The following ADGRV1 variants were observed in gnomAD, a reference collection of about 807,000 sequenced individuals.
The protein encoded by ADGRV1 is G-protein coupled receptor 98.
ADGRV1 carries 359 observed loss-of-function variants against 596.2 expected under a neutral mutation model. The observed-to-expected ratio is 0.60, with a 90% CI of 0.55 to 0.66. ADGRV1 has a LOEUF of 0.66. ADGRV1 is among the 30% of genes least tolerant of loss of function. ADGRV1 has a pLI of 0.00. For synonymous variants in ADGRV1, 2,681 were observed against 2,679.2 expected (o/e 1.00, Z -0.02); for missense variants, 7,274 against 7,575.6 (o/e 0.96, Z 1.48).
Position 90,694,061 on chromosome 5 carries a change from C to T in ADGRV1, c.7305C>T (p.Pro2435=), listed in dbSNP as rs1236978558. The stretch of plus-strand genomic sequence containing the variant: ...TGAATGTCTCTGCCGTGGGGGAGCC[C>T]CTGTATACCTGTGCCACTTTGTGCC... ...TWMNVSAVGE[P]LYTCATLCLK... Residue 2435 remains proline, a synonymous_variant, in exon 33 of 90, where the codon CCC becomes CCT. Coordinates refer to ENST00000405460, the MANE Select transcript of ADGRV1 (RefSeq NM_032119.4). 1.9e-6 allele frequency: 3 copies of T among 1,613,808 alleles called. No homozygotes were observed. In the South Asian group the frequency reaches 3.3e-5, roughly 18 times the overall value.
intron 79 of ADGRV1, among the ~76,000 whole-genome samples, chr5:90,851,589 G>T (rs1019895280): frequency 6.6e-6 from 1 of 152,134 alleles, no homozygotes; most frequent in Admixed American, 6.5e-5. Context: ...ATGCCAGGTG[G>T]CACTGAGGGT....
In ADGRV1 at chr5:90,994,230, T is replaced by A. The variant is rs553388815; in HGVS notation, c.18152+8708T>A. On this transcript the variant is annotated intron_variant, in intron 85 of 89. Coordinates refer to ENST00000405460, the MANE Select transcript of ADGRV1 (RefSeq NM_032119.4). ...GGCACCCACCATGACACCCAGCTAA[T>A]TTTTATATTTTTAGTAGAGATGGGG... Among the ~76,000 whole-genome samples, 20 of 152,016 alleles carry A rather than the reference T, an allele frequency of 1.3e-4. No homozygotes were observed. In the South Asian group the frequency reaches 4.2e-3, roughly 32 times the overall value.
At chr5:90,748,104 C>T (rs776105099) in intron 52 of ADGRV1, among the ~76,000 whole-genome samples, 2 of 152,144 alleles carry the variant, frequency 1.3e-5, no homozygotes, top group Non-Finnish European at 2.9e-5. Flanking sequence ...ATTTGCTGCT[C>T]ATTGAGATAT....
chr5:91,087,463 A>ATT (rs556983309), intron 86 of ADGRV1, among the ~76,000 whole-genome samples: 22,932 of 143,396 alleles, frequency 0.16, 2,189 homozygotes, highest in African/African-American at 0.29. Flanking sequence ...TGCCCGGCTA[A>ATT]TTTTTTTTTT....
chr5:90,677,775 A>G (rs977005204), intron 25 of ADGRV1, among the ~76,000 whole-genome samples: 2 of 152,200 alleles, frequency 1.3e-5, no homozygotes, highest in Non-Finnish European at 2.9e-5. Flanking sequence ...GTAGGAAGCA[A>G]TAGTGGCCGA....
At position 90,685,993 on chromosome 5, in the gene ADGRV1, C is replaced by G. The variant is rs1561525157; in HGVS notation, c.6488C>G (p.Ala2163Gly). ...AAAGCTGTGCCAATAACTGCAATAG[C>G]TGGTAAGAAAAGACATCTAAAAAGC... ...KFKAVPITAI[A>G]GEDYSIASSD... Residue 2163 changes from alanine (A) to glycine (G), a missense_variant and splice_region_variant, in exon 29 of 90, where the codon GCT becomes GGT. Ala to Gly is a moderately conservative substitution (Grantham distance 60). This residue lies in a region of ADGRV1 where 3,643 missense variants were observed against 3,809.2 expected (regional missense o/e 0.96). Transcript: ENST00000405460. 1.9e-6 allele frequency: 3 copies of G among 1,566,798 alleles called. No individual in the cohort carries two copies. The highest frequency in any genetic ancestry group is 2.6e-6 in the Non-Finnish European group (3 of 1,151,984).
chr5:90,620,527 T>G (rs996981628), intron 4 of ADGRV1, among the ~76,000 whole-genome samples: 36 of 152,310 alleles, frequency 2.4e-4, no homozygotes, highest in Non-Finnish European at 4.4e-4. Context: ...ATTGCAAAAC[T>G]TTTCTCCCAT....
At chr5:91,098,312 C>T (rs1255252308) in intron 86 of ADGRV1, among the ~76,000 whole-genome samples, 2 of 151,312 alleles carry the variant, frequency 1.3e-5, no homozygotes, top group Admixed American at 6.6e-5. Flanking sequence ...CCTCCCAATA[C>T]CTCTTTCCTT....
In ADGRV1 at chr5:90,601,840, A is replaced by G. The variant is rs144016938; in HGVS notation, c.23-12995A>G. On this transcript the variant is annotated intron_variant, in intron 1 of 89. Transcript: ENST00000405460. ...GGCTAGAAAGTGGTTTGCAAGTGAT[A>G]CTGCTGGAGGCTATAATTGCTTGAG... 3.6e-4 allele frequency among the ~76,000 whole-genome samples: 55 copies of G among 152,318 alleles called. 1 individual carries two copies. In the East Asian group the frequency reaches 0.01, roughly 28 times the overall value.
At position 91,147,743 on chromosome 5, in the gene ADGRV1, G is replaced by A. The variant is rs1028565278; in HGVS notation, c.18433-2287G>A. Among the ~76,000 whole-genome samples, 3 of 152,200 alleles carry A rather than the reference G, an allele frequency of 2.0e-5. No individual in the cohort carries two copies. In the South Asian group the frequency reaches 6.2e-4, roughly 31 times the overall value. On this transcript the variant is annotated intron_variant, in intron 87 of 89. Transcript: ENST00000405460. ...ATACAGTAAATGGGTACCTCAGAGA[G>A]TGGGGTGCTGCTATAAAGCTATCCA... is the stretch of plus-strand genomic sequence containing the variant.
chr5:90,679,085 G>T (rs1744609555), intron 25 of ADGRV1, among the ~76,000 whole-genome samples: 1 of 152,126 alleles, frequency 6.6e-6, no homozygotes, highest in African/African-American at 2.4e-5. Flanking sequence ...AATAAATGTG[G>T]TGGGGATTTG....
At chr5:90,742,772 G>A (rs1754120291) in intron 50 of ADGRV1, among the ~76,000 whole-genome samples, 6 of 152,204 alleles carry the variant, frequency 3.9e-5, no homozygotes, top group Non-Finnish European at 1.5e-5. Context: ...GCTGGTTAGA[G>A]AAGTAGATTG....
intron 83 of ADGRV1, among the ~76,000 whole-genome samples, chr5:90,956,259 C>G (rs7725572): frequency 6.6e-6 from 1 of 151,806 alleles, no homozygotes; most frequent in South Asian, 2.1e-4. Flanking sequence ...TGTATTCAGA[C>G]TATGTATCAG....
Position 90,711,020 on chromosome 5 carries a change from A to G in ADGRV1, c.8864A>G (p.Asn2955Ser), listed in dbSNP as rs200391538. The change falls in exon 40 of 90, where the codon AAT (asparagine) becomes AGT (serine). Residue 2955 changes from asparagine to serine, a missense_variant. Physicochemically the swap from Asn to Ser is conservative, Grantham distance 46. Transcript: ENST00000405460. ...GLTAQVIIDA[N>S]DGARGVIEWQ... The stretch of plus-strand genomic sequence containing the variant: ...ACTGCACAAGTTATTATTGATGCCA[A>G]TGATGGGGCCCGAGGTGTAATTGAA... The G allele has an allele frequency of 4.0e-4, 640 of 1,611,538 alleles. 7 individuals are homozygous for G. Among genetic ancestry groups the G allele is most frequent in the African/African-American group, 1.1e-4 (8 of 75,014 alleles).
At chr5:90,893,640 C>T (rs930718663) in intron 83 of ADGRV1, among the ~76,000 whole-genome samples, 4 of 151,998 alleles carry the variant, frequency 2.6e-5, no homozygotes, top group African/African-American at 4.8e-5. Flanking sequence ...ACAGTTTTAT[C>T]GAATAATAAC....
chr5:90,565,193 C>T (rs1357018544), intron 1 of ADGRV1, among the ~76,000 whole-genome samples: 4 of 152,016 alleles, frequency 2.6e-5, no homozygotes, highest in African/African-American at 7.2e-5. Context: ...GCTGAAATCC[C>T]GCCACTGCAC....
intron 58 of ADGRV1, among the ~76,000 whole-genome samples, chr5:90,760,210 A>G (rs566749271): frequency 5.4e-4 from 77 of 141,902 alleles, no homozygotes; most frequent in African/African-American, 2.0e-3. Flanking sequence ...TGGGAGGCGG[A>G]GGTTGCAGTG....
intron 83 of ADGRV1, among the ~76,000 whole-genome samples, chr5:90,868,611 G>T (rs1394360213): frequency 1.3e-5 from 2 of 149,004 alleles, no homozygotes; most frequent in African/African-American, 4.9e-5. Context: ...TCCTGTAGGT[G>T]CCCTCCCCCC....
At chr5:90,610,652 G>C (rs2152041279) in intron 1 of ADGRV1, among the ~76,000 whole-genome samples, 1 of 152,132 alleles carries the variant, frequency 6.6e-6, no homozygotes, top group East Asian at 1.9e-4. Flanking sequence ...GAATGTTAGA[G>C]TGGGACAGAG....
Sources: allele counts gnomAD v4.1 joint callset (sites outside exome capture counted in the v4.1 genomes callset), GRCh38; gene constraint gnomAD v4.1.1; regional missense constraint gnomAD v4.1.1; transcripts MANE v1.5; gene names NCBI Gene and HGNC (gene_info 2026-07-23, HGNC 2026-07-21).